FOXN4: variants seen among roughly 807,000 people sequenced by gnomAD.
The protein encoded by FOXN4 is forkhead box protein N4.
Under a neutral mutation model 45.0 loss-of-function variants are expected in FOXN4, and 12 were observed. The ratio of observed to expected loss-of-function variants is 0.27; its 90% CI spans 0.17 to 0.43. The LOEUF (loss-of-function observed/expected upper bound fraction) is 0.43, where lower values mean the gene tolerates loss of function less well. FOXN4 is among the 20% of genes least tolerant of loss of function. The probability of loss-of-function intolerance (pLI) is 1.00; values close to 1 mark genes in which losing one functional copy is unlikely to be tolerated. For synonymous variants in FOXN4, 297 were observed against 295.0 expected (o/e 1.01, Z -0.07); for missense variants, 560 against 694.9 (o/e 0.81, Z 2.18).
chr12:109,286,657 G>A lies in FOXN4; in HGVS notation c.684C>T (p.Pro228=), dbSNP rs1343926284. Residue 228 remains proline, a synonymous_variant, in exon 7 of 10, where the codon CCC becomes CCT. Transcript: ENST00000299162. ...EIYSFMKEHF[P]YFKTAPDGWK... is the part of the protein sequence containing the mutation. ...CTAGCTTGGGACTCACCTTGAAGTA[G>A]GGGAAGTGCTCCTTCATGAAGCTGT... is the stretch of plus-strand genomic sequence containing the variant. 3 of 1,609,158 alleles carry A rather than the reference G, an allele frequency of 1.9e-6. No homozygotes were observed. The East Asian group carries it at 6.7e-5, about 36-fold the overall frequency.
At chr12:109,301,732 A>T (rs182509369) in intron 2 of FOXN4, among the ~76,000 whole-genome samples, 1 of 152,224 alleles carries the variant, frequency 6.6e-6, no homozygotes, top group African/African-American at 2.4e-5. Flanking sequence ...ATATTTACTT[A>T]TACATGTTTC....
intron 2 of FOXN4, among the ~76,000 whole-genome samples, chr12:109,296,852 T>A (rs2047822512): frequency 6.6e-6 from 1 of 152,170 alleles, no homozygotes; most frequent in Non-Finnish European, 1.5e-5. Context: ...CCCATGGATG[T>A]GGCATGGGGT....
intron 2 of FOXN4, among the ~76,000 whole-genome samples, chr12:109,304,727 G>A (rs898953259): frequency 1.1e-4 from 17 of 152,348 alleles, no homozygotes; most frequent in South Asian, 2.1e-4. Flanking sequence ...GCGGCTGCAC[G>A]AGAGGCTGGA....
intron 2 of FOXN4, among the ~76,000 whole-genome samples, chr12:109,300,974 C>T (rs1566004572): frequency 6.6e-6 from 1 of 152,210 alleles, no homozygotes; most frequent in Non-Finnish European, 1.5e-5. Context: ...CATGGTGTCA[C>T]AGTCACTTGT....
In FOXN4 at chr12:109,285,992, A is replaced by G. The variant is rs370719399; in HGVS notation, c.694-481T>C. 3.3e-5 allele frequency among the ~76,000 whole-genome samples: 5 copies of G among 152,148 alleles called. No homozygotes were observed. The East Asian group carries it at 9.6e-4, about 29-fold the overall frequency. On this transcript the variant is annotated intron_variant, in intron 7 of 9. Transcript: ENST00000299162. ...ACAGTCTTCCCACCTCAGCCCCCCA[A>G]GTAGCTGGGACTACAGTCGTGCACC...
intron 2 of FOXN4, among the ~76,000 whole-genome samples, chr12:109,294,852 C>G (rs2047802110): frequency 6.6e-6 from 1 of 152,146 alleles, no homozygotes; most frequent in Admixed American, 6.5e-5. Context: ...CCCTCCACAC[C>G]TCTCCCTCAT....
chr12:109,308,772 A>T (rs926391649), intron 1 of FOXN4, among the ~76,000 whole-genome samples: 1 of 152,198 alleles, frequency 6.6e-6, no homozygotes, highest in East Asian at 1.9e-4. Flanking sequence ...TTGCAAAGGG[A>T]ATAATCCCCG....
At position 109,287,545 on chromosome 12, in the gene FOXN4, G is replaced by GGAGAAAGTGGCA; in HGVS notation, c.469-33_469-22dup. 1 of 1,504,180 alleles carries GGAGAAAGTGGCA rather than the reference G, an allele frequency of 6.6e-7. No individual in the cohort carries two copies. Among genetic ancestry groups the GGAGAAAGTGGCA allele is most frequent in the South Asian group, 1.3e-5 (1 of 75,518 alleles). The allele number at this position is 1,504,180 out of a possible 1,614,324, so 93.2% of individuals were successfully genotyped here. On this transcript the variant is annotated intron_variant, in intron 5 of 9. Coordinates refer to ENST00000299162, the MANE Select transcript of FOXN4 (RefSeq NM_213596.3). This position sits in a 1 kb window ranked among gnomAD's most constrained non-coding sequence, Gnocchi z 4.1. ...GGGCACTTCCCACAGGCAGGGGCAG[G>GGAGAAAGTGGCA]GAGAAAGTGGCAGAGAAAGAGAGAA...
At chr12:109,286,607 C>A in intron 7 of FOXN4, 41 bp downstream of exon 7, 1 of 1,565,072 alleles carries the variant, frequency 6.4e-7, no homozygotes, top group Non-Finnish European at 8.7e-7. Flanking sequence ...CAGGAAGAGA[C>A]CAGGGCAGCT....
At chr12:109,279,994 C>A (rs1196282775) in intron 9 of FOXN4, 64 bp from the exon 10 acceptor site, 2 of 1,598,202 alleles carry the variant, frequency 1.3e-6, no homozygotes, top group East Asian at 4.5e-5. Flanking sequence ...TTCGAATCCC[C>A]CATCTTAGGG....
At chr12:109,300,790 T>G (rs1213631094) in intron 2 of FOXN4, among the ~76,000 whole-genome samples, 1 of 152,120 alleles carries the variant, frequency 6.6e-6, no homozygotes, top group African/African-American at 2.4e-5. Context: ...AGGCCTGTGG[T>G]CCCAGCTACT....
chr12:109,282,720 A>G (rs2047664883), intron 8 of FOXN4, among the ~76,000 whole-genome samples: 1 of 152,244 alleles, frequency 6.6e-6, no homozygotes, highest in African/African-American at 2.4e-5. Flanking sequence ...AAACAAGTAA[A>G]GACAAATTAC....
intron 8 of FOXN4, among the ~76,000 whole-genome samples, chr12:109,282,911 C>T (rs551319450): frequency 6.6e-6 from 1 of 151,422 alleles, no homozygotes; most frequent in South Asian, 2.1e-4. Context: ...AGTACTGGCC[C>T]TGGGTCTCAA....
rs955267360 is a variant in FOXN4 at position 109,291,852 on chromosome 12, C to T, written c.87-1566G>A. Among the ~76,000 whole-genome samples, 7 of 152,254 alleles carry T rather than the reference C, an allele frequency of 4.6e-5. No individual in the cohort carries two copies. In the East Asian group the frequency reaches 1.4e-3, roughly 30 times the overall value. On this transcript the variant is annotated intron_variant, in intron 2 of 9. Transcript: ENST00000299162. This position sits in a 1 kb window ranked among gnomAD's most constrained non-coding sequence, Gnocchi z 6.6. Reference sequence around the variant, plus strand: ...CCCCGGCATCCCATTGTGTGACAAACGACTGTTGCCCCTGTGGCACGTGGC... The same window carrying T: ...CCCCGGCATCCCATTGTGTGACAAATGACTGTTGCCCCTGTGGCACGTGGC...
Position 109,281,456 on chromosome 12 carries a change from G to A in FOXN4, c.1245C>T (p.Asn415=), listed in dbSNP as rs2047651169. Residue 415 remains asparagine, a synonymous_variant, in exon 9 of 10, where the codon AAC becomes AAT. Coordinates refer to ENST00000299162, the MANE Select transcript of FOXN4 (RefSeq NM_213596.3). The part of the protein sequence containing the change: ...VDFINISTDM[N]TEVDALDPSI... ...TCGGGTCGAGGGCATCCACCTCAGT[G>A]TTCATGTCGGTGCTGATGTTGATGA... 9 of 1,614,030 alleles carry A rather than the reference G, an allele frequency of 5.6e-6. No homozygotes were observed. In the African/African-American group the frequency reaches 6.7e-5, roughly 12 times the overall value.
chr12:109,301,301 G>C (rs2083068), intron 2 of FOXN4, among the ~76,000 whole-genome samples: 1 of 152,188 alleles, frequency 6.6e-6, no homozygotes, highest in Admixed American at 6.5e-5. Context: ...GCAAACCATA[G>C]GTGCCATGTT....
intron 8 of FOXN4, 135 bp downstream of exon 8, chr12:109,285,169 T>A: frequency 9.8e-7 from 1 of 1,019,324 alleles, no homozygotes; most frequent in South Asian, 1.5e-5. Context: ...TATTTGTGTG[T>A]GTGCGCGTGC....
rs145453370 is a variant in FOXN4 at position 109,291,797 on chromosome 12, T to C, written c.87-1511A>G. Among the ~76,000 whole-genome samples the C allele has an allele frequency of 2.8e-4, 42 of 152,090 alleles. No individual in the cohort carries two copies. The East Asian group carries it at 7.2e-3, about 26-fold the overall frequency. On this transcript the variant is annotated intron_variant, in intron 2 of 9. Coordinates refer to ENST00000299162, the MANE Select transcript of FOXN4 (RefSeq NM_213596.3). The surrounding 1 kb of genome is among the most constrained non-coding windows in gnomAD (Gnocchi z 6.6). ...TTGAAAACGCGGCCGGCCGGCCGTG[T>C]CAGTGGCAGCAGTTGGTCCGGCTGC...
rs1198782758 is a variant in FOXN4 at position 109,279,654 on chromosome 12, C to A, written c.*17G>T. 1.3e-6 allele frequency: 2 copies of A among 1,566,802 alleles called. No individual in the cohort carries two copies. The highest frequency in any genetic ancestry group is 1.7e-6 in the Non-Finnish European group (2 of 1,155,738). ...CAAGCCGGGTGCCGGGGTTCCAGGGCAGGTGAGGCTGACAGCTCAAAGCAG... is the reference window on the plus strand; with the variant it reads ...CAAGCCGGGTGCCGGGGTTCCAGGGAAGGTGAGGCTGACAGCTCAAAGCAG... On this transcript the variant is annotated 3_prime_UTR_variant, in exon 10 of 10. Coordinates refer to ENST00000299162, the MANE Select transcript of FOXN4 (RefSeq NM_213596.3).
Sources: gnomAD v4.1 joint callset for allele counts (sites outside exome capture counted in the v4.1 genomes callset) on GRCh38, gnomAD v4.1.1 for gene constraint, Gnocchi (gnomAD v3.1) non-coding constraint, MANE v1.5 for transcripts, NCBI Gene and HGNC (gene_info 2026-07-23, HGNC 2026-07-21) for gene names.